Variants in RARA observed in about 807,000 individuals in gnomAD.
RARA encodes the protein retinoic acid receptor alpha, also known as PML-DDX5-RARA fusion.
In RARA, 5 loss-of-function variants were observed where a neutral mutation model predicts 42.8. That is an observed-to-expected ratio of 0.12 (90% CI 0.06 to 0.25). The LOEUF is 0.25. Ranked by LOEUF, RARA falls within the 10% of genes least tolerant of loss-of-function variation. RARA has a pLI of 1.00. For synonymous variants in RARA, 256 were observed against 259.5 expected, an observed-to-expected ratio of 0.99 and a Z score of 0.13; for missense variants, 402 against 628.7, an observed-to-expected ratio of 0.64 and a Z score of 3.86.
chr17:40,333,799 G>A (rs1343660444), intron 2 of RARA, among the ~76,000 whole-genome samples: 1 of 152,122 alleles, frequency 6.6e-6, no homozygotes, highest in Non-Finnish European at 1.5e-5. Context: ...ACCACACCAG[G>A]CTGATTTTTT....
intron 1 of RARA, among the ~76,000 whole-genome samples, chr17:40,329,743 C>T (rs1298080852): frequency 3.3e-5 from 5 of 152,200 alleles, no homozygotes; most frequent in Non-Finnish European, 5.9e-5. Flanking sequence ...CGTGAGCCAC[C>T]GCCCCCAGCC....
At chr17:40,338,100 G>T (rs1051023362) in intron 2 of RARA, among the ~76,000 whole-genome samples, 1 of 152,230 alleles carries the variant, frequency 6.6e-6, no homozygotes, top group East Asian at 1.9e-4. Flanking sequence ...GCATAGACGC[G>T]GGGAGGGAAC....
At position 40,352,217 on chromosome 17, in the gene RARA, C is replaced by T; in HGVS notation, c.631-114C>T. ...TTCTCCCTCCTCCTGCTGCCTCTTCCCAAGGAGCTCCCAGGAAGTGAAGGC... is the reference window on the plus strand; with the variant it reads ...TTCTCCCTCCTCCTGCTGCCTCTTCTCAAGGAGCTCCCAGGAAGTGAAGGC... On this transcript the variant is annotated intron_variant, in intron 5 of 8. Transcript: ENST00000254066. This position sits in a 1 kb window ranked among gnomAD's most constrained non-coding sequence, Gnocchi z 4.9. The T allele has an allele frequency of 6.7e-7, 1 of 1,500,616 alleles. No homozygotes were observed. The highest frequency in any genetic ancestry group is 8.8e-7 in the Non-Finnish European group (1 of 1,131,236). 93.0% of individuals were successfully genotyped at this position (1,500,616 alleles called of 1,614,324 possible).
At chr17:40,334,066 G>A (rs748396250) in intron 2 of RARA, among the ~76,000 whole-genome samples, 6 of 152,250 alleles carry the variant, frequency 3.9e-5, no homozygotes, top group Non-Finnish European at 8.8e-5. Flanking sequence ...GGGCTCATTG[G>A]AGGGTTGGAG....
intron 2 of RARA, among the ~76,000 whole-genome samples, chr17:40,347,497 C>A (rs2034306197): frequency 6.6e-6 from 1 of 152,148 alleles, no homozygotes; most frequent in African/African-American, 2.4e-5. Flanking sequence ...CTGGGTCACC[C>A]CTCCTGGCTG....
intron 2 of RARA, among the ~76,000 whole-genome samples, chr17:40,344,415 T>A (rs2034182800): frequency 6.6e-6 from 1 of 152,158 alleles, no homozygotes; most frequent in Non-Finnish European, 1.5e-5. Context: ...AGGGGGATAG[T>A]TGGAGCAGGG....
chr17:40,350,114 T>C, intron 4 of RARA, 189 bp downstream of exon 4: 1 of 843,660 alleles, frequency 1.2e-6, no homozygotes, highest in Non-Finnish European at 1.8e-6. Flanking sequence ...TGGCTGGCTG[T>C]GTGTCCACGG....
At chr17:40,346,864 C>T (rs2034284227) in intron 2 of RARA, among the ~76,000 whole-genome samples, 1 of 152,160 alleles carries the variant, frequency 6.6e-6, no homozygotes, top group Non-Finnish European at 1.5e-5. Context: ...GGATGGGGGG[C>T]CATAGCAGTG....
Position 40,331,292 on chromosome 17 carries a change from C to T in RARA, c.74C>T (p.Ala25Val), listed in dbSNP as rs2033683969. The change falls in exon 2 of 9, where the codon GCC becomes GTC. Residue 25 changes from alanine to valine, a missense_variant. Transcript: ENST00000254066. The part of the protein sequence containing the change: ...HLNGYPVPPY[A>V]FFFPPMLGGL... The stretch of plus-strand genomic sequence containing the variant: ...AATGGGTACCCGGTGCCTCCCTACG[C>T]CTTCTTCTTCCCCCCTATGCTGGGT... The T allele has an allele frequency of 6.2e-7, 1 of 1,614,110 alleles. No individual in the cohort carries two copies. Among genetic ancestry groups the T allele is most frequent in the Non-Finnish European group, 8.5e-7 (1 of 1,180,000 alleles).
chr17:40,343,678 C>T (rs1238981660), intron 2 of RARA, among the ~76,000 whole-genome samples: 1 of 152,142 alleles, frequency 6.6e-6, no homozygotes, highest in Non-Finnish European at 1.5e-5. Flanking sequence ...TGCATCCCTT[C>T]CCAGCTCCGC....
chr17:40,352,575 C>T lies in RARA; in HGVS notation c.807+68C>T, dbSNP rs2143505640. 1 of 1,363,494 alleles carries T rather than the reference C, an allele frequency of 7.3e-7. No homozygotes were observed. Among genetic ancestry groups the T allele is most frequent in the Non-Finnish European group, 9.9e-7 (1 of 1,014,688 alleles). 84.5% of individuals were successfully genotyped at this position (1,363,494 alleles called of 1,614,324 possible). On this transcript the variant is annotated intron_variant, in intron 6 of 8. Transcript: ENST00000254066. The surrounding 1 kb of genome is among the most constrained non-coding windows in gnomAD (Gnocchi z 4.9). ...CTGGGTAGATGTCCTTCCAGCCAGA[C>T]AGCCACCCTCCTAAATGTCTGTCTG...
In RARA at chr17:40,345,657, T is replaced by G. The variant is rs1440397674; in HGVS notation, c.179-2659T>G. ...CTTTGAGCTGAGAAGGTGTGGTCCT[T>G]CTCTAGCCCGAGTCCTTCTGCAGGA... On this transcript the variant is annotated intron_variant, in intron 2 of 8. Transcript: ENST00000254066. The surrounding 1 kb of genome is among the most constrained non-coding windows in gnomAD (Gnocchi z 4.8). 6.6e-6 allele frequency among the ~76,000 whole-genome samples: 1 copy of G among 152,200 alleles called. No homozygotes were observed. Among genetic ancestry groups the G allele is most frequent in the Non-Finnish European group, 1.5e-5 (1 of 68,032 alleles).
At chr17:40,311,620 C>T (rs1341152569) in intron 1 of RARA, among the ~76,000 whole-genome samples, 3 of 152,182 alleles carry the variant, frequency 2.0e-5, no homozygotes, top group African/African-American at 4.8e-5. Context: ...CACATGTCTG[C>T]CTCAATCTGG....
In RARA at chr17:40,356,869, A is replaced by T; in HGVS notation, c.*643A>T. On this transcript the variant is annotated 3_prime_UTR_variant, in exon 9 of 9. Transcript: ENST00000254066. ...GAGCTGGAGGGGGTGGGTCCGGGGG[A>T]GGGAGTGGCTCGGAAGGGGCCCCCA... The T allele has an allele frequency of 3.7e-6, 1 of 272,850 alleles. No homozygotes were observed. Among genetic ancestry groups the T allele is most frequent in the South Asian group, 4.5e-5 (1 of 22,336 alleles). The allele number at this position is 272,850 out of a possible 1,614,324, so 16.9% of individuals were successfully genotyped here.
intron 3 of RARA, chr17:40,348,996 T>A (rs1405241885): frequency 6.4e-6 from 1 of 155,102 alleles, no homozygotes. Flanking sequence ...TGCGCCCGGC[T>A]TCTCCTCCTT....
Position 40,356,669 on chromosome 17 carries a change from C to T in RARA, c.*443C>T. The T allele has an allele frequency of 1.9e-6, 1 of 536,572 alleles. No homozygotes were observed. Among genetic ancestry groups the T allele is most frequent in the Non-Finnish European group, 3.6e-6 (1 of 278,398 alleles). The allele number at this position is 536,572 out of a possible 1,614,324, so 33.2% of individuals were successfully genotyped here. ...TCGGTTGGTGACAGAGGGGGTGGGA[C>T]AGGGGCGGGGGGTTCCCCCTGTACA... On this transcript the variant is annotated 3_prime_UTR_variant, in exon 9 of 9. Transcript: ENST00000254066.
chr17:40,333,937 C>T (rs967113764), intron 2 of RARA, among the ~76,000 whole-genome samples: 14 of 152,226 alleles, frequency 9.2e-5, no homozygotes, highest in Admixed American at 9.2e-4. Context: ...GCACCCAGCT[C>T]AGGGTAGGAT....
In RARA at chr17:40,356,128, G is replaced by A; in HGVS notation, c.1291G>A (p.Gly431Arg). Reference protein sequence around the residue: ...DTLSGQPGGGGRDGGGLAPPP... With the variant: ...DTLSGQPGGGRRDGGGLAPPP... Reference sequence around the variant, plus strand: ...TCTGAGCGGACAGCCGGGGGGTGGGGGGCGGGACGGGGGTGGCCTGGCCCC... The same window carrying A: ...TCTGAGCGGACAGCCGGGGGGTGGGAGGCGGGACGGGGGTGGCCTGGCCCC... The change falls in exon 9 of 9, where the codon GGG becomes AGG. Residue 431 changes from glycine (G) to arginine (R), a missense_variant. Physicochemically the swap from Gly to Arg is moderately radical, Grantham distance 125. Coordinates refer to ENST00000254066, the MANE Select transcript of RARA (RefSeq NM_000964.4). 1.5e-6 allele frequency: 1 copy of A among 658,958 alleles called. No individual in the cohort carries two copies. The highest frequency in any genetic ancestry group is 1.8e-5 in the African/African-American group (1 of 54,516). The allele number at this position is 658,958 out of a possible 1,614,324, so 40.8% of individuals were successfully genotyped here. A position where few individuals can be genotyped will look rare whatever the true frequency, so the allele number is the denominator to read the frequency against.
At position 40,356,449 on chromosome 17, in the gene RARA, C is replaced by T; in HGVS notation, c.*223C>T. 1 of 710,416 alleles carries T rather than the reference C, an allele frequency of 1.4e-6. No homozygotes were observed. Among genetic ancestry groups the T allele is most frequent in the Non-Finnish European group, 2.5e-6 (1 of 394,368 alleles). 44.0% of individuals were successfully genotyped at this position (710,416 alleles called of 1,614,324 possible). On this transcript the variant is annotated 3_prime_UTR_variant, in exon 9 of 9. Transcript: ENST00000254066. ...CCACAGCCTGGGCTGACGTCAGAGG[C>T]CGAGGCCAGGAACTGAGTGAGGCCC...
Sources: allele counts gnomAD v4.1 joint callset (sites outside exome capture counted in the v4.1 genomes callset), GRCh38; gene constraint gnomAD v4.1.1; non-coding constraint Gnocchi (gnomAD v3.1); transcripts MANE v1.5; gene names NCBI Gene and HGNC (gene_info 2026-07-23, HGNC 2026-07-21).